Variants in CLEC2D observed in about 807,000 individuals in gnomAD.
CLEC2D encodes the protein C-type lectin related f.
A neutral mutation model predicts 20.0 loss-of-function variants in CLEC2D; 16 were observed. The observed-to-expected ratio is 0.80, with a 90% CI of 0.54 to 1.22. The LOEUF is 1.22. Among genes scored for constraint, CLEC2D ranks in the 50% most tolerant of loss-of-function variants. The probability of loss-of-function intolerance (pLI) is 0.00; values close to 1 mark genes in which losing one functional copy is unlikely to be tolerated. For synonymous variants in CLEC2D, 77 were observed against 71.1 expected, an observed-to-expected ratio of 1.08 and a Z score of -0.42; for missense variants, 207 against 221.5, an observed-to-expected ratio of 0.93 and a Z score of 0.42.
chr12:9,692,924 A>G lies in CLEC2D; in HGVS notation c.454A>G (p.Thr152Ala), dbSNP rs145796034. 1 of 1,611,524 alleles carries G rather than the reference A, an allele frequency of 6.2e-7. No homozygotes were observed. Among genetic ancestry groups the G allele is most frequent in the Non-Finnish European group, 8.5e-7 (1 of 1,177,798 alleles). The change falls in exon 4 of 5, where the codon ACA becomes GCA. Residue 152 changes from threonine to alanine, a missense_variant. By Grantham distance (58) the Thr-to-Ala change is moderately conservative. Transcript: ENST00000290855. The stretch of plus-strand genomic sequence containing the variant: ...GAAATGGATAAATGGTACTGAATGG[A>G]CAAGACAGTAAGTTCTAAAAATCTG... ...PWKWINGTEW[T>A]RQFPILGAGE...
In CLEC2D at chr12:9,697,053, A is replaced by AT. The variant is rs1491336287; in HGVS notation, c.*2179_*2180insT. 1.4e-4 allele frequency: 18 copies of AT among 126,976 alleles called. No homozygotes were observed. The highest frequency in any genetic ancestry group is 5.5e-4 in the African/African-American group (18 of 32,876). 7.9% of individuals were successfully genotyped at this position (126,976 alleles called of 1,614,324 possible). ...CATACATACATATATATATATATAT[A>AT]AAAAATAGAATATTATTCAGCCTTG... is the stretch of plus-strand genomic sequence containing the variant. On this transcript the variant is annotated 3_prime_UTR_variant, in exon 5 of 5. Transcript: ENST00000290855.
intron 3 of CLEC2D, among the ~76,000 whole-genome samples, chr12:9,691,586 G>C (rs1865864512): frequency 6.6e-6 from 1 of 152,102 alleles, no homozygotes; most frequent in Admixed American, 6.5e-5. Flanking sequence ...AATGAAGCTA[G>C]AAATCAATAA....
At chr12:9,690,666 G>A (rs936332269) in intron 3 of CLEC2D, among the ~76,000 whole-genome samples, 1 of 151,946 alleles carries the variant, frequency 6.6e-6, no homozygotes, top group Non-Finnish European at 1.5e-5. Context: ...CATAGTTATT[G>A]AAGCTATGTT....
At position 9,677,728 on chromosome 12, in the gene CLEC2D, T is replaced by A. The variant is rs1239702071; in HGVS notation, c.62-3195T>A. On this transcript the variant is annotated intron_variant, in intron 1 of 4. Transcript: ENST00000290855. ...CTTTCTTTTTTTTTTTTTTTTTTTTTATTTTGTTGTTTTTGAGACAGAGTC... is the reference window on the plus strand; with the variant it reads ...CTTTCTTTTTTTTTTTTTTTTTTTTAATTTTGTTGTTTTTGAGACAGAGTC... Among the ~76,000 whole-genome samples, 42 of 60,032 alleles carry A rather than the reference T, an allele frequency of 7.0e-4. 1 individual carries two copies. Among genetic ancestry groups the A allele is most frequent in the African/African-American group, 1.6e-3 (28 of 17,716 alleles). The allele number at this position is 60,032 out of a possible 152,430, so 39.4% of individuals were successfully genotyped here.
Position 9,698,626 on chromosome 12 carries a change from A to G in CLEC2D, c.*3752A>G, listed in dbSNP as rs1212752137. ...AATTTTTGGATTTGACCTCAAAAGT[A>G]GATGCAACCACAGTGAAAATAAACA... On this transcript the variant is annotated 3_prime_UTR_variant, in exon 5 of 5. Coordinates refer to ENST00000290855, the MANE Select transcript of CLEC2D (RefSeq NM_013269.6). 4 of 152,246 alleles carry G rather than the reference A, an allele frequency of 2.6e-5. No individual in the cohort carries two copies. Among genetic ancestry groups the G allele is most frequent in the Non-Finnish European group, 4.4e-5 (3 of 68,050 alleles). 9.4% of individuals were successfully genotyped at this position (152,246 alleles called of 1,614,324 possible).
rs1423934591 is a variant in CLEC2D at position 9,689,452 on chromosome 12, CA to C, written c.357+1369del. Among the ~76,000 whole-genome samples the C allele has an allele frequency of 7.9e-5, 12 of 152,078 alleles. No individual in the cohort carries two copies. The East Asian group carries it at 2.3e-3, about 29-fold the overall frequency. ...TCTCAAAAAAAAATTACAAAACATG[CA>C]AAGAAAAGTATGGTTCATTCACAGG... On this transcript the variant is annotated intron_variant, in intron 3 of 4. Transcript: ENST00000290855.
At chr12:9,679,531 G>T (rs1199166909) in intron 1 of CLEC2D, among the ~76,000 whole-genome samples, 4 of 152,052 alleles carry the variant, frequency 2.6e-5, no homozygotes, top group Non-Finnish European at 5.9e-5. Context: ...TTTTTGAGAA[G>T]AATGTAAATG....
intron 4 of CLEC2D, chr12:9,693,578 C>G (rs1004979394): frequency 5.2e-6 from 1 of 193,446 alleles, no homozygotes; most frequent in Non-Finnish European, 1.1e-5. Flanking sequence ...AAAAGAGCCC[C>G]AGACTGGACA....
intron 1 of CLEC2D, among the ~76,000 whole-genome samples, chr12:9,670,104 C>G (rs1297790170): frequency 1.3e-5 from 2 of 151,964 alleles, no homozygotes; most frequent in African/African-American, 2.4e-5. Flanking sequence ...AAGTGTTACT[C>G]AGATACAAGA....
intron 1 of CLEC2D, among the ~76,000 whole-genome samples, chr12:9,677,860 G>A (rs1277512411): frequency 6.6e-6 from 1 of 151,988 alleles, no homozygotes; most frequent in Admixed American, 6.6e-5. Flanking sequence ...GAGTAGCTGG[G>A]AATACCGGCA....
chr12:9,676,303 G>A (rs974054906), intron 1 of CLEC2D, among the ~76,000 whole-genome samples: 2 of 152,070 alleles, frequency 1.3e-5, no homozygotes, highest in African/African-American at 4.8e-5. Context: ...TCTTTATTAA[G>A]GTGAAGAAGT....
chr12:9,693,291 G>A (rs1776525388), intron 4 of CLEC2D: 4 of 535,088 alleles, frequency 7.5e-6, no homozygotes, highest in East Asian at 5.7e-5. Flanking sequence ...AGGTTTTGAT[G>A]TATCAGGGAA....
chr12:9,669,780 T>C lies in CLEC2D; in HGVS notation c.46T>C (p.Leu16=), dbSNP rs1179223130. The C allele has an allele frequency of 6.2e-7, 1 of 1,613,636 alleles. No individual in the cohort carries two copies. Among genetic ancestry groups the C allele is most frequent in the Admixed American group, 1.7e-5 (1 of 60,008 alleles). The part of the protein sequence containing the change: ...NVEKDITPSE[L]PANPGCLHSK... ...GGAGAAAGACATTACACCATCTGAA[T>C]TGCCTGCAAACCCAGGTAAGAAGCT... is the stretch of plus-strand genomic sequence containing the variant. The change falls in exon 1 of 5, where the codon TTG becomes CTG. Residue 16 remains leucine (L), a synonymous_variant. Coordinates refer to ENST00000290855, the MANE Select transcript of CLEC2D (RefSeq NM_013269.6).
intron 4 of CLEC2D, chr12:9,693,656 A>G: frequency 4.3e-6 from 1 of 232,204 alleles, no homozygotes; most frequent in South Asian, 4.3e-5. Context: ...AGTTTTAGAA[A>G]TCAGAGAACA....
intron 1 of CLEC2D, chr12:9,680,152 T>C (rs753624449): frequency 3.3e-5 from 7 of 214,346 alleles, no homozygotes; most frequent in South Asian, 1.7e-4. Context: ...TTTCATGATA[T>C]CTGATGGTTT....
In CLEC2D at chr12:9,694,835, G is replaced by A. The variant is rs1865942890; in HGVS notation, c.537G>A (p.Glu179=). Residue 179 remains glutamate (E), a synonymous_variant, in exon 5 of 5, where the codon GAG becomes GAA. Transcript: ENST00000290855. Reference sequence around the variant, plus strand: ...CCAGTAGTGCCAGGCACTACACAGAGAGGAAGTGGATTTGTTCCAAATCAG... The same window carrying A: ...CCAGTAGTGCCAGGCACTACACAGAAAGGAAGTGGATTTGTTCCAAATCAG... ...KGASSARHYT[E]RKWICSKSDI... 1 of 1,611,072 alleles carries A rather than the reference G, an allele frequency of 6.2e-7. No individual in the cohort carries two copies. The highest frequency in any genetic ancestry group is 1.3e-5 in the African/African-American group (1 of 74,832).
chr12:9,671,585 A>C (rs983952463), intron 1 of CLEC2D, among the ~76,000 whole-genome samples: 4 of 152,202 alleles, frequency 2.6e-5, no homozygotes, highest in Non-Finnish European at 5.9e-5. Flanking sequence ...CCATCATCAG[A>C]TTGCCTGAGG....
rs773049684 is a variant in CLEC2D at position 9,692,922 on chromosome 12, G to T, written c.452G>T (p.Trp151Leu). 1.2e-6 allele frequency: 2 copies of T among 1,611,330 alleles called. No individual in the cohort carries two copies. The highest frequency in any genetic ancestry group is 3.3e-5 in the Admixed American group (2 of 59,944). The change falls in exon 4 of 5, where the codon TGG (tryptophan) becomes TTG (leucine). Residue 151 changes from tryptophan (W) to leucine (L), a missense_variant. Physicochemically the swap from Trp to Leu is moderately conservative, Grantham distance 61 (BLOSUM62 -2). Transcript: ENST00000290855. ...QPWKWINGTE[W>L]TRQFPILGAG... ...TGGAAATGGATAAATGGTACTGAAT[G>T]GACAAGACAGTAAGTTCTAAAAATC...
chr12:9,696,152 T>A lies in CLEC2D; in HGVS notation c.*1278T>A. ...CTTCCCAAAGTGGAAACCAAGTTCATCAATTATGTGAAGAATTTCTTCTGG... is the reference window on the plus strand; with the variant it reads ...CTTCCCAAAGTGGAAACCAAGTTCAACAATTATGTGAAGAATTTCTTCTGG... On this transcript the variant is annotated 3_prime_UTR_variant, in exon 5 of 5. Coordinates refer to ENST00000290855, the MANE Select transcript of CLEC2D (RefSeq NM_013269.6). 1 of 893,152 alleles carries A rather than the reference T, an allele frequency of 1.1e-6. No individual in the cohort carries two copies. The highest frequency in any genetic ancestry group is 1.7e-5 in the Admixed American group (1 of 58,690). The allele number at this position is 893,152 out of a possible 1,614,324, so 55.3% of individuals were successfully genotyped here.
Sources: allele counts gnomAD v4.1 joint callset (sites outside exome capture counted in the v4.1 genomes callset), GRCh38; gene constraint gnomAD v4.1.1; transcripts MANE v1.5; gene names NCBI Gene and HGNC (gene_info 2026-07-23, HGNC 2026-07-21).